Variants in PRIM2 observed in about 807,000 individuals in gnomAD.
The protein encoded by PRIM2 is DNA primase large subunit.
PRIM2 carries 39 observed loss-of-function variants against 67.3 expected under a neutral mutation model. That is an observed-to-expected ratio of 0.58 (90% CI 0.45 to 0.76). PRIM2 has a LOEUF of 0.76. Among genes scored for constraint, PRIM2 ranks in the 30% least tolerant of loss-of-function variants. PRIM2 has a pLI of 0.00. For missense variants in PRIM2, 398 were observed against 598.7 expected (o/e 0.66, Z 3.50); for synonymous variants, 143 against 198.7 (o/e 0.72, Z 2.36).
chr6:57,276,314 C>T, the PRIM2 span, among the ~76,000 whole-genome samples: 2 of 151,958 alleles, frequency 1.3e-5, no homozygotes, highest in Non-Finnish European at 2.9e-5. Flanking sequence ...TGTGTGAACC[C>T]GGGATGCAGA....
chr6:57,326,576 C>T (rs977082758), intron 5 of PRIM2, among the ~76,000 whole-genome samples: 1 of 151,968 alleles, frequency 6.6e-6, no homozygotes, highest in Non-Finnish European at 1.5e-5. Context: ...CAAAAATTAG[C>T]CAGGCATGGT....
chr6:57,576,157 G>A (rs1246039687), intron 10 of PRIM2, among the ~76,000 whole-genome samples: 1 of 152,068 alleles, frequency 6.6e-6, no homozygotes, highest in Non-Finnish European at 1.5e-5. Flanking sequence ...ATGTTGGGAA[G>A]GCATGTTCAT....
intron 10 of PRIM2, among the ~76,000 whole-genome samples, chr6:57,547,269 T>C (rs1775308120): frequency 6.6e-6 from 1 of 152,202 alleles, no homozygotes; most frequent in African/African-American, 2.4e-5. Flanking sequence ...ATTTCAACTT[T>C]TATTTTAGAT....
At chr6:57,309,059 GT>G in the PRIM2 span, among the ~76,000 whole-genome samples, 4 of 151,246 alleles carry the variant, frequency 2.6e-5, no homozygotes, top group African/African-American at 9.7e-5. Context: ...AAGGTCTCTG[GT>G]TTTCCTAGGC....
intron 7 of PRIM2, among the ~76,000 whole-genome samples, chr6:57,402,072 G>T (rs1770731018): frequency 1.3e-5 from 2 of 152,192 alleles, no homozygotes; most frequent in Non-Finnish European, 1.5e-5. Flanking sequence ...GACCTGCCCA[G>T]TGAGGAGATA....
intron 12 of PRIM2, among the ~76,000 whole-genome samples, chr6:57,617,724 A>G (rs1776780193): frequency 1.3e-5 from 2 of 152,096 alleles, no homozygotes; most frequent in Admixed American, 6.5e-5. Flanking sequence ...ACAACTTCTT[A>G]ATGTCTATTG....
At chr6:57,528,751 A>G (rs1774819076) in intron 8 of PRIM2, among the ~76,000 whole-genome samples, 1 of 152,236 alleles carries the variant, frequency 6.6e-6, no homozygotes, top group Non-Finnish European at 1.5e-5. Context: ...TCCCAGCTGG[A>G]TGATGGCTCC....
the PRIM2 span, among the ~76,000 whole-genome samples, chr6:57,293,252 T>C: frequency 6.6e-6 from 1 of 152,202 alleles, no homozygotes; most frequent in Non-Finnish European, 1.5e-5. Context: ...TCGTCACTGC[T>C]CATTAGAGAA....
intron 4 of PRIM2, among the ~76,000 whole-genome samples, chr6:57,325,562 G>A (rs1303009004): frequency 6.6e-6 from 1 of 152,068 alleles, no homozygotes; most frequent in African/African-American, 2.4e-5. Context: ...CCAAGGTGCT[G>A]GGATTACGGG....
intron 10 of PRIM2, among the ~76,000 whole-genome samples, chr6:57,599,281 C>T (rs1421458443): frequency 8.2e-6 from 1 of 121,684 alleles, no homozygotes; most frequent in Non-Finnish European, 1.7e-5. Context: ...GCACGAGCTC[C>T]AGTTAGTGTC....
At chr6:57,455,523 C>A (rs1772737650) in intron 7 of PRIM2, among the ~76,000 whole-genome samples, 1 of 152,130 alleles carries the variant, frequency 6.6e-6, no homozygotes, top group Non-Finnish European at 1.5e-5. Flanking sequence ...TTGAATTGAT[C>A]CCTTTACCAT....
chr6:57,536,969 G>C (rs1208942038), intron 9 of PRIM2, among the ~76,000 whole-genome samples: 2 of 152,190 alleles, frequency 1.3e-5, no homozygotes, highest in South Asian at 4.1e-4. Flanking sequence ...AATTTAATAC[G>C]GAAGTAAGTG....
At chr6:57,639,620 A>ACAC (rs1554359324) in intron 13 of PRIM2, among the ~76,000 whole-genome samples, 69 of 78,256 alleles carry the variant, frequency 8.8e-4, no homozygotes, top group East Asian at 1.2e-3. Context: ...AATACTGTAA[A>ACAC]CTAGAAAGTT....
At chr6:57,373,967 A>G (rs540438741) in intron 5 of PRIM2, among the ~76,000 whole-genome samples, 48 of 152,146 alleles carry the variant, frequency 3.2e-4, no homozygotes, top group African/African-American at 1.1e-3. Context: ...AAATAGTTTT[A>G]AAAAAATTCT....
At chr6:57,395,446 C>T (rs1380776322) in intron 7 of PRIM2, among the ~76,000 whole-genome samples, 1 of 152,106 alleles carries the variant, frequency 6.6e-6, no homozygotes, top group African/African-American at 2.4e-5. Flanking sequence ...AGTTTATGTG[C>T]ATAAAGGTGT....
intron 7 of PRIM2, among the ~76,000 whole-genome samples, chr6:57,390,735 C>T (rs1257146737): frequency 1.3e-5 from 2 of 152,168 alleles, no homozygotes; most frequent in African/African-American, 2.4e-5. Context: ...TTTATGGCTA[C>T]ATAGTATTCC....
At chr6:57,466,536 C>T (rs1417778371) in intron 7 of PRIM2, among the ~76,000 whole-genome samples, 1 of 152,088 alleles carries the variant, frequency 6.6e-6, no homozygotes, top group Non-Finnish European at 1.5e-5. Flanking sequence ...AGATGGTATC[C>T]CATTGTGGTT....
At chr6:57,642,051 A>G (rs1291756507) in intron 13 of PRIM2, among the ~76,000 whole-genome samples, 2 of 152,244 alleles carry the variant, frequency 1.3e-5, no homozygotes, top group South Asian at 2.1e-4. Context: ...CTATGAAGCC[A>G]TTAAAAAGGA....
the PRIM2 span, among the ~76,000 whole-genome samples, chr6:57,278,430 C>G: frequency 6.6e-6 from 1 of 152,146 alleles, no homozygotes; most frequent in African/African-American, 2.4e-5. Context: ...TCCATGTGTC[C>G]TCCTACCACC....
Sources: allele counts gnomAD v4.1 joint callset (sites outside exome capture counted in the v4.1 genomes callset), GRCh38; gene constraint gnomAD v4.1.1; transcripts MANE v1.5; gene names NCBI Gene and HGNC (gene_info 2026-07-23, HGNC 2026-07-21).